DACH2: variants seen among roughly 807,000 people sequenced by gnomAD.
DACH2 encodes the protein dachshund homolog 2.
In DACH2, 17 loss-of-function variants were observed where a neutral mutation model predicts 35.8. The observed-to-expected ratio is 0.48, with a 90% CI of 0.33 to 0.71. DACH2 has a LOEUF of 0.71. Ranked by LOEUF, DACH2 falls within the 30% of genes least tolerant of loss-of-function variation. The pLI, the probability that DACH2 is intolerant of heterozygous loss-of-function variation, is 0.02. For synonymous variants in DACH2, 195 were observed against 177.3 expected, an observed-to-expected ratio of 1.10 and a Z score of -0.79; for missense variants, 469 against 472.7, an observed-to-expected ratio of 0.99 and a Z score of 0.07.
intron 1 of DACH2, among the ~76,000 whole-genome samples, chrX:86,316,232 T>C (rs1183580119): frequency 4.5e-5 from 5 of 110,630 alleles, no homozygotes; most frequent in Non-Finnish European, 5.7e-5. Flanking sequence ...CTAGATTCCC[T>C]ATCTTAGTGT....
chrX:86,639,223 G>A lies in DACH2; in HGVS notation c.641-11813G>A, dbSNP rs757802775. Among the ~76,000 whole-genome samples the A allele has an allele frequency of 1.7e-4, 19 of 111,593 alleles. No homozygotes were observed. The South Asian group carries it at 6.5e-3, about 38-fold the overall frequency. On this transcript the variant is annotated intron_variant, in intron 3 of 11. Transcript: ENST00000373125. ...CTTGACCCACAGAGAATGAAGAAAAGCAAGACCGGAAAACAGCCGACCTGG... is the reference window on the plus strand; with the variant it reads ...CTTGACCCACAGAGAATGAAGAAAAACAAGACCGGAAAACAGCCGACCTGG...
At chrX:86,510,686 C>T (rs1286200045) in intron 2 of DACH2, among the ~76,000 whole-genome samples, 1 of 111,178 alleles carries the variant, frequency 9.0e-6, no homozygotes, top group African/African-American at 3.3e-5. Flanking sequence ...AGCTGAATCT[C>T]TCCAAGATTT....
At chrX:86,159,922 C>CT (rs906977650) in intron 1 of DACH2, among the ~76,000 whole-genome samples, 1 of 110,913 alleles carries the variant, frequency 9.0e-6, no homozygotes, top group East Asian at 2.8e-4. Context: ...ATTTTATTTA[C>CT]TTTTTTCTGA....
intron 2 of DACH2, among the ~76,000 whole-genome samples, chrX:86,425,334 T>C (rs1338279607): frequency 9.0e-6 from 1 of 111,077 alleles, no homozygotes; most frequent in Non-Finnish European, 1.9e-5. Flanking sequence ...AGAAGACTTT[T>C]TATTATGACT....
intron 2 of DACH2, among the ~76,000 whole-genome samples, chrX:86,437,289 G>A (rs755170832): frequency 3.6e-5 from 4 of 111,126 alleles, no homozygotes; most frequent in Admixed American, 2.9e-4. Flanking sequence ...TCTATGTGTT[G>A]GGGACATTTC....
chrX:86,223,552 TG>T (rs2032758968), intron 1 of DACH2, among the ~76,000 whole-genome samples: 1 of 111,993 alleles, frequency 8.9e-6, no homozygotes, highest in Admixed American at 9.5e-5. Context: ...TATAGCATTT[TG>T]TGTGTATGTA....
chrX:86,167,578 T>C (rs1377726412), intron 1 of DACH2, among the ~76,000 whole-genome samples: 2 of 111,498 alleles, frequency 1.8e-5, no homozygotes, highest in East Asian at 5.6e-4. Flanking sequence ...TATTTTCCTC[T>C]ACTAATTTTG....
chrX:86,690,596 C>A (rs749737867), intron 4 of DACH2, among the ~76,000 whole-genome samples: 28 of 111,518 alleles, frequency 2.5e-4, no homozygotes, highest in African/African-American at 8.4e-4. Context: ...TCTGGGAACC[C>A]TAACATTTTA....
intron 1 of DACH2, among the ~76,000 whole-genome samples, chrX:86,328,706 C>T (rs1056351563): frequency 9.8e-5 from 11 of 111,833 alleles, no homozygotes; most frequent in Non-Finnish European, 1.9e-5. Context: ...TGAGAGGATT[C>T]TGCCTATACC....
chrX:86,313,492 C>T (rs1247552298), intron 1 of DACH2, among the ~76,000 whole-genome samples: 1 of 111,881 alleles, frequency 8.9e-6, no homozygotes, highest in Non-Finnish European at 1.9e-5. Flanking sequence ...GGTAAGAGCT[C>T]TGAAGAAAAC....
At position 86,387,210 on chromosome X, in the gene DACH2, G is replaced by C. The variant is rs1430074531; in HGVS notation, c.527+10348G>C. Among the ~76,000 whole-genome samples the C allele has an allele frequency of 2.7e-5, 3 of 111,383 alleles. No homozygotes were observed. The South Asian group carries it at 1.1e-3, about 42-fold the overall frequency. On this transcript the variant is annotated intron_variant, in intron 2 of 11. Coordinates refer to ENST00000373125, the MANE Select transcript of DACH2 (RefSeq NM_053281.3). ...CTGGGATCATTTTATTTTTCTCAGA[G>C]AGGGTTTGGGGTCAAATAAATTTGG...
At chrX:86,315,840 C>CACAGAGAGAG (rs1556024046) in intron 1 of DACH2, among the ~76,000 whole-genome samples, 18 of 77,868 alleles carry the variant, frequency 2.3e-4, no homozygotes, top group African/African-American at 9.2e-4. Flanking sequence ...CACACACACA[C>CACAGAGAGAG]AGAGAGAGAG....
intron 2 of DACH2, among the ~76,000 whole-genome samples, chrX:86,470,809 G>A (rs2037750063): frequency 9.0e-6 from 1 of 111,358 alleles, no homozygotes; most frequent in South Asian, 3.7e-4. Flanking sequence ...CACATTATAT[G>A]TCAAAAACAA....
At chrX:86,407,995 C>T (rs1270739636) in intron 2 of DACH2, among the ~76,000 whole-genome samples, 1 of 110,474 alleles carries the variant, frequency 9.1e-6, no homozygotes, top group Non-Finnish European at 1.9e-5. Context: ...TAGTAAATGG[C>T]AGATTTGGGA....
chrX:86,497,124 A>G (rs1171094673), intron 2 of DACH2, among the ~76,000 whole-genome samples: 2 of 111,892 alleles, frequency 1.8e-5, no homozygotes, highest in East Asian at 2.8e-4. Context: ...TTCCCTTTGT[A>G]TGGCTAATGA....
chrX:86,494,057 G>A (rs2038132449), intron 2 of DACH2, among the ~76,000 whole-genome samples: 1 of 111,728 alleles, frequency 9.0e-6, no homozygotes, highest in African/African-American at 3.3e-5. Context: ...GCCCATTATT[G>A]TGTCCTAAAT....
At chrX:86,514,190 A>C (rs1413379948) in intron 2 of DACH2, 89 bp from the exon 3 acceptor site, 12 of 835,897 alleles carry the variant, frequency 1.4e-5, no homozygotes, top group African/African-American at 1.0e-4. Context: ...GCAATTAAAC[A>C]AGATTTAAAA....
chrX:86,626,496 T>G (rs977049476), intron 3 of DACH2, among the ~76,000 whole-genome samples: 1 of 112,705 alleles, frequency 8.9e-6, no homozygotes, highest in Non-Finnish European at 1.9e-5. Context: ...CACTGGGCAG[T>G]GCACTGGTGG....
intron 1 of DACH2, among the ~76,000 whole-genome samples, chrX:86,356,967 T>C (rs927909319): frequency 1.8e-5 from 2 of 111,219 alleles, no homozygotes; most frequent in African/African-American, 6.5e-5. Flanking sequence ...CTACTCTCTG[T>C]CTTCTGAGTC....
Sources: gnomAD v4.1 joint callset for allele counts (sites outside exome capture counted in the v4.1 genomes callset) on GRCh38, gnomAD v4.1.1 for gene constraint, MANE v1.5 for transcripts, NCBI Gene and HGNC (gene_info 2026-07-23, HGNC 2026-07-21) for gene names.